ASIC2: variants seen among roughly 807,000 people sequenced by gnomAD.
ASIC2 encodes the protein acid-sensing ion channel 2.
Under a neutral mutation model 57.3 loss-of-function variants are expected in ASIC2, and 25 were observed. The ratio of observed to expected loss-of-function variants is 0.44; its 90% CI spans 0.32 to 0.61. The LOEUF (loss-of-function observed/expected upper bound fraction) is 0.61, where lower values mean the gene tolerates loss of function less well. Among genes scored for constraint, ASIC2 ranks in the 20% least tolerant of loss-of-function variants. The pLI, the probability that ASIC2 is intolerant of heterozygous loss-of-function variation, is 0.06. For synonymous variants in ASIC2, 319 were observed against 307.5 expected, an observed-to-expected ratio of 1.04 and a Z score of -0.39; for missense variants, 641 against 738.1, an observed-to-expected ratio of 0.87 and a Z score of 1.52.
intron 1 of ASIC2, among the ~76,000 whole-genome samples, chr17:33,382,607 T>C (rs1162666866): frequency 1.3e-5 from 2 of 152,238 alleles, no homozygotes; most frequent in African/African-American, 4.8e-5. Flanking sequence ...TCAGACACTG[T>C]GCTGCATAAT....
chr17:33,939,843 C>T (rs1473983781), intron 1 of ASIC2, among the ~76,000 whole-genome samples: 1 of 152,140 alleles, frequency 6.6e-6, no homozygotes, highest in Non-Finnish European at 1.5e-5. Context: ...GCAGTAGCTC[C>T]CTTTAGACAC....
intron 1 of ASIC2, among the ~76,000 whole-genome samples, chr17:33,242,266 G>A (rs551187334): frequency 2.7e-4 from 40 of 150,428 alleles, no homozygotes; most frequent in African/African-American, 7.1e-4. Context: ...GCAGTGAGCC[G>A]AGATCTCGCC....
At chr17:33,819,340 T>A (rs1429181078) in intron 1 of ASIC2, among the ~76,000 whole-genome samples, 1 of 152,244 alleles carries the variant, frequency 6.6e-6, no homozygotes, top group Admixed American at 6.5e-5. Flanking sequence ...AGCTGCCTAA[T>A]GAACATAGCT....
At chr17:34,059,557 C>T (rs1198909259) in intron 1 of ASIC2, among the ~76,000 whole-genome samples, 2 of 152,180 alleles carry the variant, frequency 1.3e-5, no homozygotes, top group Non-Finnish European at 2.9e-5. Context: ...GAAGTAAAGC[C>T]CTTTTCTTTT....
intron 1 of ASIC2, among the ~76,000 whole-genome samples, chr17:33,417,447 A>T (rs751202287): frequency 4.6e-5 from 7 of 152,178 alleles, no homozygotes; most frequent in Non-Finnish European, 8.8e-5. Context: ...CCCGGCCAAG[A>T]CTACCCGGGA....
intron 1 of ASIC2, among the ~76,000 whole-genome samples, chr17:33,313,286 T>G (rs1164866778): frequency 6.7e-6 from 1 of 149,712 alleles, no homozygotes; most frequent in Non-Finnish European, 1.5e-5. Flanking sequence ...ATGATTGCCG[T>G]CACTGCACTC....
chr17:33,088,705 T>C (rs1255799541), intron 3 of ASIC2, among the ~76,000 whole-genome samples, 158 bp downstream of exon 3: 4 of 152,156 alleles, frequency 2.6e-5, no homozygotes, highest in African/African-American at 4.8e-5. Context: ...GAACAACAGG[T>C]GGTACAGGAG....
intron 1 of ASIC2, among the ~76,000 whole-genome samples, chr17:33,388,098 A>AAAACC (rs1236002152): frequency 6.6e-6 from 1 of 151,838 alleles, no homozygotes; most frequent in Admixed American, 6.6e-5. Context: ...AAAGCAAAGC[A>AAAACC]AAACAAAACA....
chr17:33,193,272 G>A (rs1252582583), intron 1 of ASIC2, among the ~76,000 whole-genome samples: 1 of 152,152 alleles, frequency 6.6e-6, no homozygotes, highest in Non-Finnish European at 1.5e-5. Flanking sequence ...TTTGCAGTAG[G>A]TCCCTTTCTC....
chr17:33,927,470 C>T (rs551541164), intron 1 of ASIC2, among the ~76,000 whole-genome samples: 3 of 152,334 alleles, frequency 2.0e-5, no homozygotes, highest in South Asian at 4.1e-4. Context: ...AACTGCTTCA[C>T]CCTTTCTGCC....
chr17:34,051,922 G>A (rs551414245), intron 1 of ASIC2, among the ~76,000 whole-genome samples: 109 of 151,388 alleles, frequency 7.2e-4, no homozygotes, highest in Non-Finnish European at 1.3e-3. Flanking sequence ...TCTGGTAGCT[G>A]GAAGTCTACA....
intron 1 of ASIC2, among the ~76,000 whole-genome samples, chr17:33,392,922 C>T (rs1462779696): frequency 6.6e-6 from 1 of 152,212 alleles, no homozygotes; most frequent in Admixed American, 6.5e-5. Context: ...CATCTCATTC[C>T]TTTAATTCCC....
chr17:34,050,476 C>A (rs1163947357), intron 1 of ASIC2, among the ~76,000 whole-genome samples: 1 of 152,172 alleles, frequency 6.6e-6, no homozygotes. Context: ...AAAATCTCTT[C>A]CCACTTAATC....
intron 1 of ASIC2, among the ~76,000 whole-genome samples, chr17:33,774,667 T>C (rs1262402648): frequency 6.6e-6 from 1 of 152,186 alleles, no homozygotes; most frequent in East Asian, 1.9e-4. Context: ...TAGCAACACC[T>C]TGTTAAATGG....
chr17:33,596,136 C>T (rs896316533), intron 1 of ASIC2, among the ~76,000 whole-genome samples: 2 of 152,180 alleles, frequency 1.3e-5, no homozygotes, highest in African/African-American at 4.8e-5. Flanking sequence ...TCTTGGAGCT[C>T]TGAGCTTTTC....
At chr17:33,871,720 G>A (rs1914415167) in intron 1 of ASIC2, among the ~76,000 whole-genome samples, 1 of 152,158 alleles carries the variant, frequency 6.6e-6, no homozygotes, top group Admixed American at 6.5e-5. Context: ...ATTACGGGAG[G>A]AGGAGGGATG....
At chr17:33,709,480 A>G (rs532523702) in intron 1 of ASIC2, among the ~76,000 whole-genome samples, 2 of 152,368 alleles carry the variant, frequency 1.3e-5, no homozygotes, top group South Asian at 2.1e-4. Flanking sequence ...TTTCTGCCAC[A>G]TGAGATTACA....
chr17:33,260,984 A>G (rs1211923080), intron 1 of ASIC2, among the ~76,000 whole-genome samples: 1 of 152,180 alleles, frequency 6.6e-6, no homozygotes, highest in Non-Finnish European at 1.5e-5. Flanking sequence ...AAACATTCTG[A>G]TTTCATTCCT....
At chr17:33,560,946 A>T (rs1916054138) in intron 1 of ASIC2, among the ~76,000 whole-genome samples, 1 of 152,146 alleles carries the variant, frequency 6.6e-6, no homozygotes. Flanking sequence ...GACCTTCCAA[A>T]ATACCACATC....
Sources: gnomAD v4.1 joint callset for allele counts (sites outside exome capture counted in the v4.1 genomes callset) on GRCh38, gnomAD v4.1.1 for gene constraint, MANE v1.5 for transcripts, NCBI Gene and HGNC (gene_info 2026-07-23, HGNC 2026-07-21) for gene names.